DOK5: variants seen among roughly 807,000 people sequenced by gnomAD.
DOK5 encodes docking protein 5, also known as downstream of tyrosine kinase 5.
A neutral mutation model predicts 43.3 loss-of-function variants in DOK5; 27 were observed. The observed-to-expected ratio is 0.62, with a 90% CI of 0.46 to 0.86. DOK5 has a LOEUF of 0.86. Among genes scored for constraint, DOK5 ranks in the 40% least tolerant of loss-of-function variants. The pLI, the probability that DOK5 is intolerant of heterozygous loss-of-function variation, is 0.00. For synonymous variants in DOK5, 146 were observed against 140.1 expected (o/e 1.04, Z -0.30); for missense variants, 373 against 392.9 (o/e 0.95, Z 0.43).
chr20:54,490,476 G>A (rs1982120946), intron 1 of DOK5, among the ~76,000 whole-genome samples: 1 of 152,216 alleles, frequency 6.6e-6, no homozygotes, highest in Admixed American at 6.5e-5. Context: ...GCAGGAGTGG[G>A]AGGGTAGGGG....
At chr20:54,477,991 G>A (rs901785478) in intron 1 of DOK5, among the ~76,000 whole-genome samples, 13 of 152,150 alleles carry the variant, frequency 8.5e-5, no homozygotes, top group Admixed American at 4.6e-4. Context: ...GTTTGTATTT[G>A]TTTTATGTTT....
At chr20:54,629,050 A>C (rs1978445137) in intron 6 of DOK5, among the ~76,000 whole-genome samples, 1 of 152,224 alleles carries the variant, frequency 6.6e-6, no homozygotes, top group Admixed American at 6.5e-5. Context: ...CTAGAGACTC[A>C]AAATTATGTT....
intron 1 of DOK5, among the ~76,000 whole-genome samples, chr20:54,542,152 A>G (rs1211906594): frequency 6.6e-6 from 1 of 151,394 alleles, no homozygotes; most frequent in Admixed American, 6.6e-5. Context: ...ATGTAAGCAT[A>G]TATATCTTAT....
At chr20:54,501,567 CATCCATGCACTGGTT>C (rs1982610889) in intron 1 of DOK5, among the ~76,000 whole-genome samples, 1 of 150,994 alleles carries the variant, frequency 6.6e-6, no homozygotes, top group Non-Finnish European at 1.5e-5. Flanking sequence ...GTTTTGCAGT[CATCCATGCACTGGTT>C]ATAGGATGTG....
chr20:54,523,438 T>C (rs925444909), intron 1 of DOK5, among the ~76,000 whole-genome samples: 7 of 151,900 alleles, frequency 4.6e-5, no homozygotes, highest in African/African-American at 1.7e-4. Context: ...TGGTGGCCCA[T>C]GCCTGTTATC....
intron 1 of DOK5, among the ~76,000 whole-genome samples, chr20:54,531,099 A>G (rs1367316924): frequency 6.6e-6 from 1 of 152,214 alleles, no homozygotes; most frequent in Admixed American, 6.5e-5. Context: ...TGTCTTATGG[A>G]GAATGTTATT....
intron 1 of DOK5, among the ~76,000 whole-genome samples, chr20:54,486,501 A>G (rs1981939077): frequency 6.6e-6 from 1 of 152,098 alleles, no homozygotes; most frequent in Non-Finnish European, 1.5e-5. Flanking sequence ...TTTAATATAA[A>G]TTTTAAAATA....
chr20:54,626,343 T>C (rs1317299744), intron 6 of DOK5, among the ~76,000 whole-genome samples: 1 of 152,088 alleles, frequency 6.6e-6, no homozygotes, highest in African/African-American at 2.4e-5. Context: ...ATAATTAGAG[T>C]TGGAATGAGT....
At chr20:54,538,511 T>C (rs1044571086) in intron 1 of DOK5, among the ~76,000 whole-genome samples, 2 of 152,146 alleles carry the variant, frequency 1.3e-5, no homozygotes, top group Non-Finnish European at 2.9e-5. Context: ...AGAAGGAACC[T>C]TGGGACATCA....
intron 1 of DOK5, among the ~76,000 whole-genome samples, chr20:54,552,661 CTTA>C (rs1223059368): frequency 6.6e-6 from 1 of 151,984 alleles, no homozygotes; most frequent in African/African-American, 2.4e-5. Context: ...TTTGTCACTC[CTTA>C]TTGTTGAAAT....
chr20:54,547,292 T>G (rs1042759210), intron 1 of DOK5, among the ~76,000 whole-genome samples: 1 of 152,210 alleles, frequency 6.6e-6, no homozygotes, highest in African/African-American at 2.4e-5. Flanking sequence ...TACAGAAAGT[T>G]TGCCAACTCC....
intron 1 of DOK5, among the ~76,000 whole-genome samples, chr20:54,529,542 T>TA (rs5841995): frequency 6.5e-4 from 96 of 148,096 alleles, no homozygotes; most frequent in East Asian, 1.6e-3. Context: ...AGGGTGACTT[T>TA]AAAAAAAAAA....
intron 1 of DOK5, among the ~76,000 whole-genome samples, chr20:54,490,352 G>A (rs539551848): frequency 3.3e-5 from 5 of 152,006 alleles, no homozygotes; most frequent in African/African-American, 7.2e-5. Context: ...ATATACATAC[G>A]TATATACATA....
chr20:54,606,462 A>G (rs565110872), intron 5 of DOK5, among the ~76,000 whole-genome samples: 1 of 152,306 alleles, frequency 6.6e-6, no homozygotes, highest in South Asian at 2.1e-4. Flanking sequence ...CTAAAGGGTA[A>G]ACCCATTAGA....
intron 1 of DOK5, among the ~76,000 whole-genome samples, chr20:54,503,828 T>C (rs1197758550): frequency 1.3e-5 from 2 of 152,106 alleles, no homozygotes; most frequent in Admixed American, 1.3e-4. Flanking sequence ...AAGATGGACA[T>C]AAAATGAGGT....
At chr20:54,537,355 A>G (rs1458830492) in intron 1 of DOK5, among the ~76,000 whole-genome samples, 1 of 152,238 alleles carries the variant, frequency 6.6e-6, no homozygotes, top group Non-Finnish European at 1.5e-5. Flanking sequence ...CCAAATCAGG[A>G]AGCTCTCAAA....
chr20:54,633,974 T>C (rs1057078593), intron 6 of DOK5, among the ~76,000 whole-genome samples: 1 of 152,216 alleles, frequency 6.6e-6, no homozygotes, highest in Admixed American at 6.5e-5. Context: ...AAGGACAATA[T>C]GGTGCAGTAT....
At chr20:54,636,890 A>G (rs370148244) in intron 6 of DOK5, among the ~76,000 whole-genome samples, 65 of 152,332 alleles carry the variant, frequency 4.3e-4, no homozygotes, top group African/African-American at 1.5e-3. Flanking sequence ...CGAGACAATT[A>G]AATTTCAACA....
intron 1 of DOK5, among the ~76,000 whole-genome samples, chr20:54,489,840 T>C (rs899839712): frequency 7.9e-5 from 12 of 152,208 alleles, no homozygotes; most frequent in Non-Finnish European, 1.8e-4. Flanking sequence ...TGAAGGTGAA[T>C]AAATTCTTAG....
Sources: gnomAD v4.1 joint callset for allele counts (sites outside exome capture counted in the v4.1 genomes callset) on GRCh38, gnomAD v4.1.1 for gene constraint, MANE v1.5 for transcripts, NCBI Gene and HGNC (gene_info 2026-07-23, HGNC 2026-07-21) for gene names.